The following COL21A1 variants were observed in gnomAD, a reference collection of about 807,000 sequenced individuals.
COL21A1 encodes the protein collagen type XXI alpha 1 chain, also known as collagen alpha-1(XXI) chain.
In COL21A1, 149 loss-of-function variants were observed where a neutral mutation model predicts 137.9. That is an observed-to-expected ratio of 1.08 (90% confidence interval 0.95 to 1.24). The LOEUF (loss-of-function observed/expected upper bound fraction) is 1.24, where lower values mean the gene tolerates loss of function less well. COL21A1 is among the 50% of genes most tolerant of loss of function. The pLI, the probability that COL21A1 is intolerant of heterozygous loss-of-function variation, is 0.00. For synonymous variants in COL21A1, 456 were observed against 391.5 expected (o/e 1.16, Z -1.95); for missense variants, 1,167 against 1,158.4 (o/e 1.01, Z -0.11).
At chr6:56,233,354 T>C (rs1231172315) in intron 1 of COL21A1, among the ~76,000 whole-genome samples, 2 of 151,790 alleles carry the variant, frequency 1.3e-5, no homozygotes, top group Admixed American at 6.6e-5. Flanking sequence ...ATGAGCTCAA[T>C]GAATACATTA....
chr6:56,084,703 A>G (rs1768079040), intron 17 of COL21A1, among the ~76,000 whole-genome samples: 1 of 152,134 alleles, frequency 6.6e-6, no homozygotes, highest in Admixed American at 6.6e-5. Context: ...AATGTCTAAG[A>G]GTTATTTTCC....
intron 1 of COL21A1, among the ~76,000 whole-genome samples, chr6:56,255,658 C>T (rs1169372103): frequency 1.3e-5 from 2 of 152,170 alleles, no homozygotes; most frequent in Middle Eastern, 3.2e-3. Context: ...GTCATACTTA[C>T]AAGGATGCCA....
chr6:56,260,433 G>T (rs1053572871), intron 1 of COL21A1, among the ~76,000 whole-genome samples: 1 of 151,686 alleles, frequency 6.6e-6, no homozygotes, highest in Non-Finnish European at 1.5e-5. Flanking sequence ...AATTAGCCAG[G>T]CGTGGTGGCA....
At chr6:56,274,138 C>A (rs559714866) in intron 1 of COL21A1, among the ~76,000 whole-genome samples, 10 of 152,226 alleles carry the variant, frequency 6.6e-5, no homozygotes, top group African/African-American at 2.4e-4. Context: ...TTATTAGACA[C>A]AGAAAAAGCT....
chr6:56,069,223 AT>A (rs1766525075), intron 21 of COL21A1, 106 bp from the exon 22 acceptor site: 1 of 607,742 alleles, frequency 1.6e-6, no homozygotes, highest in South Asian at 2.6e-5. Context: ...GGTTAAAAAA[AT>A]GTATTGACAG....
chr6:56,384,970 C>G (rs2094015106), intron 1 of COL21A1, among the ~76,000 whole-genome samples: 1 of 152,180 alleles, frequency 6.6e-6, no homozygotes, highest in South Asian at 2.1e-4. Context: ...TTCCGAGATG[C>G]TATGGAGCAC....
chr6:56,209,682 G>A (rs1043366486), intron 1 of COL21A1, among the ~76,000 whole-genome samples: 1 of 152,094 alleles, frequency 6.6e-6, no homozygotes, highest in Non-Finnish European at 1.5e-5. Flanking sequence ...CTTGGTGGGA[G>A]TGTAAATTAG....
chr6:56,236,021 G>T (rs1781875074), intron 1 of COL21A1, among the ~76,000 whole-genome samples: 1 of 151,986 alleles, frequency 6.6e-6, no homozygotes, highest in South Asian at 2.1e-4. Context: ...TGAACTGGCT[G>T]TCAAGAATTA....
intron 24 of COL21A1, among the ~76,000 whole-genome samples, chr6:56,062,609 G>A (rs969357715): frequency 2.6e-5 from 4 of 152,032 alleles, no homozygotes; most frequent in African/African-American, 9.7e-5. Context: ...GTCTGAGTTG[G>A]GGTATATCTG....
In COL21A1 at chr6:56,269,588, G is replaced by A. The variant is rs1763474922; in HGVS notation, c.-38-86932C>T. Among the ~76,000 whole-genome samples the A allele has an allele frequency of 7.6e-5, 11 of 144,638 alleles. No homozygotes were observed. The South Asian group carries it at 2.5e-3, about 32-fold the overall frequency. The allele number at this position is 144,638 out of a possible 152,430, so 94.9% of individuals were successfully genotyped here. A position where few individuals can be genotyped will look rare whatever the true frequency, so the allele number is the denominator to read the frequency against. On this transcript the variant is annotated intron_variant, in intron 1 of 28. Transcript: ENST00000370819. ...GAGAATGGCGTGAACCTGGGAGGCA[G>A]AGCTTGCAGTGAGCCAAGATCCCGC...
rs969044371 is a variant in COL21A1 at position 56,292,399 on chromosome 6, C to CT, written c.-39+101571_-39+101572insA. The stretch of plus-strand genomic sequence containing the variant: ...ATATCAACAAAACAGGGACCCCCCC[C>CT]CTCCCCCGCCAAAGAGAGTCTGGGT... On this transcript the variant is annotated intron_variant, in intron 1 of 28. Transcript: ENST00000370819. Among the ~76,000 whole-genome samples the CT allele has an allele frequency of 6.4e-5, 9 of 139,968 alleles. 1 individual carries two copies. Among genetic ancestry groups the CT allele is most frequent in the Non-Finnish European group, 1.4e-4 (9 of 64,510 alleles). 91.8% of individuals were successfully genotyped at this position (139,968 alleles called of 152,430 possible). A position where few individuals can be genotyped will look rare whatever the true frequency, so the allele number is the denominator to read the frequency against.
intron 10 of COL21A1, among the ~76,000 whole-genome samples, chr6:56,151,158 G>A (rs569817296): frequency 3.9e-5 from 6 of 152,230 alleles, no homozygotes; most frequent in Admixed American, 3.9e-4. Flanking sequence ...CCCAGGAGGC[G>A]GAGCTTGCAG....
At chr6:56,262,554 T>C (rs981121096) in intron 1 of COL21A1, among the ~76,000 whole-genome samples, 2 of 152,182 alleles carry the variant, frequency 1.3e-5, no homozygotes, top group African/African-American at 4.8e-5. Flanking sequence ...GAATGTATTT[T>C]AATTAGATTT....
chr6:56,141,839 CTAAAT>C lies in COL21A1; in HGVS notation c.1489-6_1489-2del. 6.2e-7 allele frequency: 1 copy of C among 1,613,368 alleles called. No individual in the cohort carries two copies. Among genetic ancestry groups the C allele is most frequent in the East Asian group, 2.2e-5 (1 of 44,862 alleles). On this transcript the variant is annotated splice_acceptor_variant and splice_polypyrimidine_tract_variant and intron_variant, in intron 11 of 29. Coordinates refer to ENST00000244728, the MANE Select transcript of COL21A1 (RefSeq NM_030820.4). LOFTEE classifies it high-confidence loss of function. ...TGTAACCTGGTAGTCCTCGAGCTCC[CTAAAT>C]TAACCAGAAAATAAAATTTTGTTAA...
rs536087536 is a variant in COL21A1, at chr6:56,167,002, T to C, written c.1201-19A>G. The C allele has an allele frequency of 1.9e-6, 3 of 1,592,968 alleles. No individual in the cohort carries two copies. Among genetic ancestry groups the C allele is most frequent in the East Asian group, 4.5e-5 (2 of 44,606 alleles). ...CATCAAACTAAGAACATAAACCCAG[T>C]AGAATTAAAGTTGAGGCACAAGCTA... On this transcript the variant is annotated intron_variant, in intron 6 of 29. Coordinates refer to ENST00000244728, the MANE Select transcript of COL21A1 (RefSeq NM_030820.4).
upstream of COL21A1, among the ~76,000 whole-genome samples, chr6:56,248,819 G>A (rs1007165758): frequency 6.6e-5 from 10 of 150,590 alleles, no homozygotes; most frequent in African/African-American, 2.2e-4. Flanking sequence ...AATATGATAG[G>A]AGAACATTGC....
chr6:56,095,566 T>A (rs544998357), intron 17 of COL21A1, among the ~76,000 whole-genome samples: 2 of 152,298 alleles, frequency 1.3e-5, no homozygotes, highest in Admixed American at 1.3e-4. Flanking sequence ...TGGTTTGGCC[T>A]CTATCTATCC....
chr6:56,282,462 CTA>C (rs1486039571), intron 1 of COL21A1, among the ~76,000 whole-genome samples: 1 of 152,108 alleles, frequency 6.6e-6, no homozygotes, highest in East Asian at 1.9e-4. Context: ...GCCACACATA[CTA>C]TTGTTCTATT....
intron 17 of COL21A1, among the ~76,000 whole-genome samples, chr6:56,098,230 AATATATAAAT>A (rs1236629476): frequency 1.4e-5 from 1 of 72,290 alleles, no homozygotes; most frequent in Non-Finnish European, 2.3e-5. Flanking sequence ...TACATATATA[AATATATAAAT>A]ATATATAAAT....
Sources: allele counts gnomAD v4.1 joint callset (sites outside exome capture counted in the v4.1 genomes callset), GRCh38; gene constraint gnomAD v4.1.1; transcripts MANE v1.5; gene names NCBI Gene and HGNC (gene_info 2026-07-23, HGNC 2026-07-21).